The following MTUS2 variants were observed in gnomAD, a reference collection of about 807,000 sequenced individuals.
MTUS2 encodes the protein microtubule associated scaffold protein 2, also known as microtubule-associated tumor suppressor candidate 2.
MTUS2 carries 40 observed loss-of-function variants against 114.1 expected under a neutral mutation model. That is an observed-to-expected ratio of 0.35 (90% CI 0.27 to 0.46). The LOEUF is 0.46. MTUS2 is among the 20% of genes least tolerant of loss of function. MTUS2 has a pLI of 1.00. For missense variants in MTUS2, 1,679 were observed against 1,705.4 expected, an observed-to-expected ratio of 0.98 and a Z score of 0.27; for synonymous variants, 688 against 672.0, an observed-to-expected ratio of 1.02 and a Z score of -0.37.
chr13:29,100,419 G>A (rs923711344), intron 4 of MTUS2, among the ~76,000 whole-genome samples: 3 of 152,084 alleles, frequency 2.0e-5, no homozygotes, highest in African/African-American at 7.2e-5. Context: ...ACGAATCTGG[G>A]GTAACATGCA....
chr13:28,906,729 C>G (rs1880043262), intron 2 of MTUS2, among the ~76,000 whole-genome samples: 1 of 151,440 alleles, frequency 6.6e-6, no homozygotes, highest in South Asian at 2.1e-4. Flanking sequence ...AATGTATATT[C>G]TGTTGATTTG....
In MTUS2 at chr13:29,501,020, G is replaced by A. The variant is rs1882864561; in HGVS notation, c.3799-77G>A. 21 of 1,105,140 alleles carry A rather than the reference G, an allele frequency of 1.9e-5. No homozygotes were observed. In the South Asian group the frequency reaches 2.6e-4, roughly 13 times the overall value. The allele number at this position is 1,105,140 out of a possible 1,614,324, so 68.5% of individuals were successfully genotyped here. ...ATGCTGTTCTTGATAATCCTCCAAT[G>A]CCCAGAGCTGAGGGCACCGGTTTAC... On this transcript the variant is annotated intron_variant, in intron 14 of 15. Coordinates refer to ENST00000612955, the MANE Select transcript of MTUS2 (RefSeq NM_001033602.4).
intron 5 of MTUS2, among the ~76,000 whole-genome samples, chr13:29,139,997 G>A (rs986494241): frequency 6.6e-6 from 1 of 152,164 alleles, no homozygotes; most frequent in African/African-American, 2.4e-5. Context: ...GAAACACGAG[G>A]TTGTCTTCAG....
chr13:29,384,384 T>TA (rs1228354523), intron 8 of MTUS2, among the ~76,000 whole-genome samples: 1 of 152,236 alleles, frequency 6.6e-6, no homozygotes, highest in African/African-American at 2.4e-5. Flanking sequence ...TCTGACCTGT[T>TA]ACATTCTGTT....
chr13:28,823,336 A>G (rs924621680), intron 1 of MTUS2, among the ~76,000 whole-genome samples: 5 of 152,242 alleles, frequency 3.3e-5, no homozygotes, highest in Non-Finnish European at 7.3e-5. Flanking sequence ...TTTATGAGCA[A>G]GTGGGAGGCT....
Position 29,389,525 on chromosome 13 carries a change from A to ATATGTATACACGTGTGTG in MTUS2, c.3117+30069_3117+30070insGTATGTATACACGTGTGT, listed in dbSNP as rs1566173403. On this transcript the variant is annotated intron_variant, in intron 8 of 15. Coordinates refer to ENST00000612955, the MANE Select transcript of MTUS2 (RefSeq NM_001033602.4). Reference sequence around the variant, plus strand: ...TGTATACACGTGTGTGTATGTGTATATATGTATACACGTGTGTATATGTAT... The same window carrying ATATGTATACACGTGTGTG: ...TGTATACACGTGTGTGTATGTGTATATATGTATACACGTGTGTGTATGTATACACGTGTGTATATGTAT... Among the ~76,000 whole-genome samples the ATATGTATACACGTGTGTG allele has an allele frequency of 1.3e-3, 38 of 29,832 alleles. 6 individuals carry two copies. The highest frequency in any genetic ancestry group is 2.0e-3 in the African/African-American group (37 of 18,586). The allele number at this position is 29,832 out of a possible 152,430, so 19.6% of individuals were successfully genotyped here. A position where few individuals can be genotyped will look rare whatever the true frequency, so the allele number is the denominator to read the frequency against.
intron 6 of MTUS2, chr13:29,306,958 A>G: frequency 1.8e-6 from 1 of 546,430 alleles, no homozygotes; most frequent in Non-Finnish European, 3.6e-6. Flanking sequence ...TGGCACTGTC[A>G]AGGCTGAGAA....
At chr13:29,383,252 G>GTGTATATATATATATTTATTTATTTATT (rs5802519) in intron 8 of MTUS2, among the ~76,000 whole-genome samples, 1,986 of 135,948 alleles carry the variant, frequency 0.015, 20 homozygotes, top group East Asian at 0.023. Flanking sequence ...GTGTGTGTGT[G>GTGTATATATATATATTTATTTATTTATT]TATTTATTTT....
intron 8 of MTUS2, among the ~76,000 whole-genome samples, chr13:29,387,317 C>T (rs578035684): frequency 1.1e-4 from 17 of 152,210 alleles, no homozygotes; most frequent in African/African-American, 3.1e-4. Context: ...TAACATGATG[C>T]GGATTGCAAG....
intron 5 of MTUS2, among the ~76,000 whole-genome samples, chr13:29,103,070 T>C (rs969663390): frequency 3.3e-5 from 5 of 152,166 alleles, no homozygotes; most frequent in African/African-American, 1.2e-4. Flanking sequence ...TTCTTCTTCT[T>C]GGAAAGCTGG....
chr13:29,102,825 G>A (rs944753867), intron 5 of MTUS2, among the ~76,000 whole-genome samples: 6 of 152,190 alleles, frequency 3.9e-5, no homozygotes, highest in Non-Finnish European at 8.8e-5. Context: ...GCGAAGAGAT[G>A]ATGCTTTGAT....
At chr13:29,055,247 C>A (rs73164583) in intron 4 of MTUS2, among the ~76,000 whole-genome samples, 1 of 152,182 alleles carries the variant, frequency 6.6e-6, no homozygotes, top group Non-Finnish European at 1.5e-5. Flanking sequence ...ATTTTGATGT[C>A]TTCTTACTGA....
At chr13:28,835,446 GA>G (rs66882726) in intron 1 of MTUS2, among the ~76,000 whole-genome samples, 37,023 of 152,094 alleles carry the variant, frequency 0.24, 5,281 homozygotes, top group East Asian at 0.39. Context: ...GAAGTATTCA[GA>G]ATAGGCAAAT....
At chr13:29,119,038 A>G (rs1008718953) in intron 5 of MTUS2, among the ~76,000 whole-genome samples, 5 of 152,128 alleles carry the variant, frequency 3.3e-5, no homozygotes, top group African/African-American at 1.2e-4. Flanking sequence ...TATTTCTTGT[A>G]CGTTTTTCTC....
At chr13:29,143,388 A>C (rs1892306385) in intron 5 of MTUS2, among the ~76,000 whole-genome samples, 1 of 152,212 alleles carries the variant, frequency 6.6e-6, no homozygotes, top group Admixed American at 6.5e-5. Flanking sequence ...TTCAGTGCTT[A>C]ATACATTGTT....
intron 2 of MTUS2, among the ~76,000 whole-genome samples, chr13:28,924,104 C>T (rs1033260860): frequency 1.3e-5 from 2 of 152,068 alleles, no homozygotes; most frequent in African/African-American, 4.8e-5. Context: ...AGTCACTTCT[C>T]TTGCTTGGTT....
chr13:29,044,869 G>A (rs1049426521), intron 4 of MTUS2, among the ~76,000 whole-genome samples: 10 of 152,144 alleles, frequency 6.6e-5, no homozygotes, highest in Non-Finnish European at 7.3e-5. Flanking sequence ...AAGTCATTTA[G>A]GTTGTTGGTA....
intron 2 of MTUS2, among the ~76,000 whole-genome samples, chr13:29,000,300 C>T (rs1593371232): frequency 1.3e-5 from 2 of 152,196 alleles, no homozygotes; most frequent in East Asian, 1.9e-4. Context: ...TCTTAATTTT[C>T]TTCTGACTTT....
At chr13:28,860,495 G>A (rs1455147799) in intron 2 of MTUS2, among the ~76,000 whole-genome samples, 2 of 152,214 alleles carry the variant, frequency 1.3e-5, no homozygotes, top group Non-Finnish European at 2.9e-5. Flanking sequence ...CCAGTGTCAT[G>A]TGGAAAATGC....
Sources: allele counts gnomAD v4.1 joint callset (sites outside exome capture counted in the v4.1 genomes callset), GRCh38; gene constraint gnomAD v4.1.1; transcripts MANE v1.5; gene names NCBI Gene and HGNC (gene_info 2026-07-23, HGNC 2026-07-21).